The following COL19A1 variants were observed in gnomAD, a reference collection of about 807,000 sequenced individuals.
COL19A1 encodes collagen alpha-1(XIX) chain.
Under a neutral mutation model 190.2 loss-of-function variants are expected in COL19A1, and 159 were observed. That is an observed-to-expected ratio of 0.84 (90% CI 0.73 to 0.95). The LOEUF is 0.95. COL19A1 is among the 40% of genes least tolerant of loss of function. The pLI is 0.00. For missense variants in COL19A1, 1,418 were observed against 1,431.9 expected, an observed-to-expected ratio of 0.99 and a Z score of 0.16; for synonymous variants, 509 against 458.9, an observed-to-expected ratio of 1.11 and a Z score of -1.39.
chr6:69,895,142 C>G (rs548576629), intron 2 of COL19A1, among the ~76,000 whole-genome samples: 4 of 152,218 alleles, frequency 2.6e-5, no homozygotes, highest in African/African-American at 9.6e-5. Context: ...CTGTGGGGGA[C>G]TTTTGAGCCA....
At chr6:69,922,018 A>G (rs1771998047) in intron 4 of COL19A1, among the ~76,000 whole-genome samples, 1 of 152,082 alleles carries the variant, frequency 6.6e-6, no homozygotes, top group Non-Finnish European at 1.5e-5. Flanking sequence ...CTCTCTGGTA[A>G]CCCAATATGG....
In COL19A1 at chr6:70,208,757, G is replaced by T. The variant is rs978256509; in HGVS notation, c.*1483G>T. The stretch of plus-strand genomic sequence containing the variant: ...TGCTTTTGTCTGTTTACTGAAAAAT[G>T]AGTTTAGAAAGGCTAGCCCACTGAC... On this transcript the variant is annotated 3_prime_UTR_variant, in exon 51 of 51. Coordinates refer to ENST00000620364, the MANE Select transcript of COL19A1 (RefSeq NM_001858.6). 1 of 152,638 alleles carries T rather than the reference G, an allele frequency of 6.6e-6. No homozygotes were observed. Among genetic ancestry groups the T allele is most frequent in the African/African-American group, 2.4e-5 (1 of 41,454 alleles). The allele number at this position is 152,638 out of a possible 1,614,324, so 9.5% of individuals were successfully genotyped here.
At chr6:69,960,561 G>A (rs571760065) in intron 10 of COL19A1, among the ~76,000 whole-genome samples, 9 of 151,788 alleles carry the variant, frequency 5.9e-5, no homozygotes, top group African/African-American at 1.7e-4. Flanking sequence ...CATGGGCCAG[G>A]CTGCCTCTTC....
Position 70,207,364 on chromosome 6 carries a change from C to G in COL19A1, c.*90C>G. On this transcript the variant is annotated 3_prime_UTR_variant, in exon 51 of 51. Transcript: ENST00000620364. ...TCAAACCCTCATCATCTGTGGGTTG[C>G]TTTTTTTTTTTTTTTTTTTTTTTGG... 23 of 176,738 alleles carry G rather than the reference C, an allele frequency of 1.3e-4. No homozygotes were observed. The highest frequency in any genetic ancestry group is 2.0e-4 in the Admixed American group (2 of 9,916). The allele number at this position is 176,738 out of a possible 1,614,324, so 10.9% of individuals were successfully genotyped here. A position where few individuals can be genotyped will look rare whatever the true frequency, so the allele number is the denominator to read the frequency against.
chr6:70,192,536 G>T (rs1766943293), intron 48 of COL19A1, among the ~76,000 whole-genome samples: 1 of 149,530 alleles, frequency 6.7e-6, no homozygotes, highest in African/African-American at 2.5e-5. Flanking sequence ...AAACATTGTG[G>T]ACTAGACTCT....
intron 15 of COL19A1, among the ~76,000 whole-genome samples, chr6:70,068,964 AC>A (rs1404201896): frequency 1.3e-5 from 2 of 151,960 alleles, no homozygotes; most frequent in Non-Finnish European, 2.9e-5. Flanking sequence ...TAGAGCAATA[AC>A]CTCCTATTTC....
At chr6:70,016,949 T>C (rs1196795502) in intron 11 of COL19A1, among the ~76,000 whole-genome samples, 1 of 152,088 alleles carries the variant, frequency 6.6e-6, no homozygotes, top group Non-Finnish European at 1.5e-5. Context: ...GTTTGGGAAT[T>C]TCCTAGAAAG....
intron 9 of COL19A1, among the ~76,000 whole-genome samples, chr6:69,948,667 G>A (rs1243059169): frequency 6.6e-6 from 1 of 151,710 alleles, no homozygotes; most frequent in Non-Finnish European, 1.5e-5. Flanking sequence ...GAAAAGAGAG[G>A]GCATTTAGGG....
Position 69,900,318 on chromosome 6 carries a change from ACTT to A in COL19A1, c.250_252del (p.Leu84del), listed in dbSNP as rs778038891. 6.3e-7 allele frequency: 1 copy of A among 1,581,182 alleles called. No individual in the cohort carries two copies. ...AAACCTGTTTCAAATTGGGAAGTGCACTTCTTATTAGAGACACTATGTAAGTAA... is the reference window on the plus strand; with the variant it reads ...AAACCTGTTTCAAATTGGGAAGTGCACTTATTAGAGACACTATGTAAGTAA... On this transcript the variant is annotated inframe_deletion, in exon 4 of 51. Transcript: ENST00000620364.
Position 69,921,098 on chromosome 6 carries a change from C to CAT in COL19A1, c.267-6806_267-6805dup, listed in dbSNP as rs1260903245. On this transcript the variant is annotated intron_variant, in intron 4 of 50. Coordinates refer to ENST00000620364, the MANE Select transcript of COL19A1 (RefSeq NM_001858.6). Reference sequence around the variant, plus strand: ...ATATCATATATATTCATAGACATATCATATATTCATATACATATATATCAC... The same window carrying CAT: ...ATATCATATATATTCATAGACATATCATATATATTCATATACATATATATCAC... Among the ~76,000 whole-genome samples, 502 of 99,122 alleles carry CAT rather than the reference C, an allele frequency of 5.1e-3. 2 individuals are homozygous for CAT. Among genetic ancestry groups the CAT allele is most frequent in the African/African-American group, 0.016 (392 of 25,038 alleles). 65.0% of individuals were successfully genotyped at this position (99,122 alleles called of 152,430 possible).
At chr6:70,088,728 T>C (rs1323204836) in intron 15 of COL19A1, among the ~76,000 whole-genome samples, 1 of 152,184 alleles carries the variant, frequency 6.6e-6, no homozygotes, top group Non-Finnish European at 1.5e-5. Flanking sequence ...TACCAGACTA[T>C]GAGCTCCTCG....
chr6:69,878,095 G>A (rs1768254670), intron 1 of COL19A1, among the ~76,000 whole-genome samples: 1 of 152,022 alleles, frequency 6.6e-6, no homozygotes, highest in Admixed American at 6.6e-5. Context: ...TGATTGGTAA[G>A]CACCTGAAAA....
chr6:69,977,656 A>C (rs1227440366), intron 11 of COL19A1, among the ~76,000 whole-genome samples: 1 of 152,034 alleles, frequency 6.6e-6, no homozygotes, highest in African/African-American at 2.4e-5. Flanking sequence ...ATTTCCCAGG[A>C]ATTTCTGAAA....
chr6:70,096,233 C>T (rs994088229), intron 15 of COL19A1, among the ~76,000 whole-genome samples: 16 of 151,418 alleles, frequency 1.1e-4, no homozygotes, highest in African/African-American at 3.9e-4. Flanking sequence ...AGGCATATGC[C>T]ATATGCCACC....
At chr6:69,914,581 A>T (rs1771170556) in intron 4 of COL19A1, among the ~76,000 whole-genome samples, 1 of 152,174 alleles carries the variant, frequency 6.6e-6, no homozygotes, top group African/African-American at 2.4e-5. Flanking sequence ...TTAAAAATCG[A>T]TTTTTTTCCA....
chr6:69,905,563 T>C (rs773938470), intron 4 of COL19A1, among the ~76,000 whole-genome samples: 3 of 152,248 alleles, frequency 2.0e-5, no homozygotes, highest in East Asian at 1.9e-4. Flanking sequence ...AGGGCAATTA[T>C]ACCTTTCACA....
At chr6:70,090,847 A>G (rs528534307) in intron 15 of COL19A1, among the ~76,000 whole-genome samples, 16 of 152,210 alleles carry the variant, frequency 1.1e-4, no homozygotes, top group Middle Eastern at 3.4e-3. Context: ...CTGCCACCCA[A>G]CCACACACTT....
rs1309848283 is a variant in COL19A1 at position 69,941,179 on chromosome 6, G to C, written c.936+3079G>C. On this transcript the variant is annotated intron_variant, in intron 9 of 50. Transcript: ENST00000620364. ...ATATTTAGAGGAGGTAGAACAGTAT[G>C]TTGGAAAGAGTACCACTTTGGAGCC... Among the ~76,000 whole-genome samples, 5 of 152,166 alleles carry C rather than the reference G, an allele frequency of 3.3e-5. No individual in the cohort carries two copies. In the East Asian group the frequency reaches 9.6e-4, roughly 29 times the overall value.
chr6:70,062,339 T>C (rs1780888398), intron 14 of COL19A1, among the ~76,000 whole-genome samples: 1 of 152,140 alleles, frequency 6.6e-6, no homozygotes, highest in Non-Finnish European at 1.5e-5. Context: ...TATATTACTT[T>C]TTTATTCAAA....
Sources: gnomAD v4.1 joint callset for allele counts (sites outside exome capture counted in the v4.1 genomes callset) on GRCh38, gnomAD v4.1.1 for gene constraint, MANE v1.5 for transcripts, NCBI Gene and HGNC (gene_info 2026-07-23, HGNC 2026-07-21) for gene names.